The following PCNX2 variants were observed in gnomAD, a reference collection of about 807,000 sequenced individuals.
PCNX2 encodes the protein pecanex 2.
In PCNX2, 168 loss-of-function variants were observed where a neutral mutation model predicts 223.8. The ratio of observed to expected loss-of-function variants is 0.75; its 90% CI spans 0.66 to 0.85. PCNX2 has a LOEUF of 0.85. Ranked by LOEUF, PCNX2 falls within the 40% of genes least tolerant of loss-of-function variation. The probability of loss-of-function intolerance (pLI) is 0.00; values close to 1 mark genes in which losing one functional copy is unlikely to be tolerated. For missense variants in PCNX2, 2,507 were observed against 2,675.5 expected (o/e 0.94, Z 1.39); for synonymous variants, 1,006 against 1,052.6 (o/e 0.96, Z 0.86).
At chr1:233,315,105 A>G in the PCNX2 span, among the ~76,000 whole-genome samples, 1 of 152,190 alleles carries the variant, frequency 6.6e-6, no homozygotes, top group South Asian at 2.1e-4. Flanking sequence ...TCTTACAGAG[A>G]ATAAGTGATA....
chr1:233,288,824 T>TAG, intron 1 of PCNX2: 1 of 748,780 alleles, frequency 1.3e-6, no homozygotes. Context: ...TTTTTTTTTT[T>TAG]TTACTGTGAA....
At chr1:233,268,693 C>T (rs2103007369) in intron 1 of PCNX2, among the ~76,000 whole-genome samples, 1 of 152,248 alleles carries the variant, frequency 6.6e-6, no homozygotes, top group Non-Finnish European at 1.5e-5. Context: ...AAAGTGTGGC[C>T]TTCCTGGGCA....
chr1:233,079,499 G>A (rs868554155), intron 23 of PCNX2, among the ~76,000 whole-genome samples: 29 of 145,642 alleles, frequency 2.0e-4, no homozygotes, highest in African/African-American at 7.5e-4. Context: ...TTACACTCCA[G>A]CCTGGGCGAC....
chr1:233,274,477 T>C (rs148398951), intron 1 of PCNX2, among the ~76,000 whole-genome samples: 342 of 152,242 alleles, frequency 2.2e-3, no homozygotes, highest in African/African-American at 8.0e-3. Context: ...CGCATTAAAG[T>C]GTACCAAGCA....
chr1:233,276,440 C>G (rs10910126), intron 1 of PCNX2, among the ~76,000 whole-genome samples: 56,685 of 151,962 alleles, frequency 0.37, 10,905 homozygotes, highest in African/African-American at 0.47. Flanking sequence ...TAATGTTGCT[C>G]AACTGTACAC....
intron 17 of PCNX2, chr1:233,172,471 G>A (rs1052229059): frequency 1.7e-5 from 17 of 985,390 alleles, no homozygotes; most frequent in Middle Eastern, 5.2e-4. Flanking sequence ...CAATCATGAG[G>A]TGAGTCTGCT....
In PCNX2 at chr1:233,218,022, T is replaced by G. The variant is rs376065682; in HGVS notation, c.2658+9A>C. Reference sequence around the variant, plus strand: ...ACACGCTACTGGTAAGAATTAGATGTGGTCTTGCCTTTAGCAGGGAGTACT... The same window carrying G: ...ACACGCTACTGGTAAGAATTAGATGGGGTCTTGCCTTTAGCAGGGAGTACT... On this transcript the variant is annotated intron_variant, in intron 11 of 33. Coordinates refer to ENST00000258229, the MANE Select transcript of PCNX2 (RefSeq NM_014801.4). 3.1e-6 allele frequency: 5 copies of G among 1,610,850 alleles called. No homozygotes were observed. Among genetic ancestry groups the G allele is most frequent in the Non-Finnish European group, 4.2e-6 (5 of 1,178,532 alleles).
chr1:233,186,066 T>C (rs1029554104), intron 15 of PCNX2, among the ~76,000 whole-genome samples: 1 of 152,206 alleles, frequency 6.6e-6, no homozygotes, highest in East Asian at 1.9e-4. Context: ...TTTTTCTCCT[T>C]AGAAGTTTTA....
intron 23 of PCNX2, 36 bp from the exon 24 acceptor site, chr1:233,057,326 T>A: frequency 1.3e-6 from 2 of 1,521,032 alleles, no homozygotes; most frequent in Non-Finnish European, 9.1e-7. Context: ...AGGTCATGAT[T>A]AGATCCCCCC....
chr1:233,069,054 G>C (rs1236118897), intron 23 of PCNX2, among the ~76,000 whole-genome samples: 1 of 151,800 alleles, frequency 6.6e-6, no homozygotes, highest in Non-Finnish European at 1.5e-5. Flanking sequence ...TCAAAGAAAA[G>C]CAAAAATGGC....
chr1:233,112,699 GTGTAGA>G, intron 21 of PCNX2: 3 of 666,284 alleles, frequency 4.5e-6, no homozygotes, highest in Non-Finnish European at 6.3e-6. Context: ...GAATGTGTCT[GTGTAGA>G]TCTTTGAACA....
intron 13 of PCNX2, among the ~76,000 whole-genome samples, chr1:233,205,706 A>C (rs1681408323): frequency 6.6e-6 from 1 of 152,090 alleles, no homozygotes; most frequent in African/African-American, 2.4e-5. Context: ...AAAAAAAAAA[A>C]AACAAAACAA....
chr1:233,324,538 T>C, the PCNX2 span, among the ~76,000 whole-genome samples: 1 of 152,010 alleles, frequency 6.6e-6, no homozygotes. Flanking sequence ...GCTTGTGCCA[T>C]ATCAATGGCA....
intron 25 of PCNX2, among the ~76,000 whole-genome samples, chr1:233,029,423 ACAAT>A (rs1045587766): frequency 1.6e-4 from 24 of 152,292 alleles, no homozygotes; most frequent in African/African-American, 5.3e-4. Flanking sequence ...TTTTGCTTAA[ACAAT>A]CAATTCTAAA....
chr1:233,087,564 T>C (rs1454432303), intron 23 of PCNX2, among the ~76,000 whole-genome samples: 2 of 152,156 alleles, frequency 1.3e-5, no homozygotes, highest in Non-Finnish European at 2.9e-5. Context: ...AAAAAAAGTT[T>C]TAAATAGATA....
intron 1 of PCNX2, among the ~76,000 whole-genome samples, chr1:233,274,604 A>G (rs1045902107): frequency 2.0e-5 from 3 of 152,210 alleles, no homozygotes; most frequent in African/African-American, 7.2e-5. Context: ...CAAGCAAATC[A>G]GGTGTGCCTA....
At chr1:233,174,663 G>A (rs1679365179) in intron 17 of PCNX2, among the ~76,000 whole-genome samples, 1 of 151,748 alleles carries the variant, frequency 6.6e-6, no homozygotes, top group Non-Finnish European at 1.5e-5. Context: ...TTGTTTCTAG[G>A]AACTGAAGAA....
intron 18 of PCNX2, among the ~76,000 whole-genome samples, 174 bp from the exon 19 acceptor site, chr1:233,160,607 A>G (rs971969423): frequency 1.3e-5 from 2 of 152,140 alleles, no homozygotes; most frequent in Non-Finnish European, 2.9e-5. Flanking sequence ...AAATTGGTTC[A>G]TGTGTTGGAA....
In PCNX2 at chr1:233,275,825, A is replaced by G. The variant is rs532082579; in HGVS notation, c.154-12662T>C. 4.4e-4 allele frequency among the ~76,000 whole-genome samples: 67 copies of G among 151,898 alleles called. No homozygotes were observed. In the South Asian group the frequency reaches 0.011, roughly 24 times the overall value. ...GGTGGGCGGATCACGAGGTCAGGAG[A>G]TCGAGACCATCCTGGCCAACATGGT... is the stretch of plus-strand genomic sequence containing the variant. On this transcript the variant is annotated intron_variant, in intron 1 of 33. Transcript: ENST00000258229.
Sources: allele counts gnomAD v4.1 joint callset (sites outside exome capture counted in the v4.1 genomes callset), GRCh38; gene constraint gnomAD v4.1.1; transcripts MANE v1.5; gene names NCBI Gene and HGNC (gene_info 2026-07-23, HGNC 2026-07-21).